Variants in CREB5 observed in about 807,000 individuals in gnomAD.
CREB5 encodes cAMP responsive element binding protein 5.
CREB5 carries 19 observed loss-of-function variants against 57.1 expected under a neutral mutation model. The observed-to-expected ratio is 0.33, with a 90% CI of 0.23 to 0.49. CREB5 has a LOEUF of 0.49. CREB5 is among the 20% of genes least tolerant of loss of function. The pLI is 0.99. For synonymous variants in CREB5, 238 were observed against 238.3 expected (o/e 1.00, Z 0.01); for missense variants, 579 against 671.6 (o/e 0.86, Z 1.52).
At chr7:28,719,826 C>T (rs1802915716) in intron 6 of CREB5, among the ~76,000 whole-genome samples, 1 of 152,092 alleles carries the variant, frequency 6.6e-6, no homozygotes, top group Non-Finnish European at 1.5e-5. Context: ...CTTTGGGAGG[C>T]CAAGGTGGGT....
intron 7 of CREB5, among the ~76,000 whole-genome samples, chr7:28,779,842 C>T (rs1460316916): frequency 1.3e-5 from 2 of 152,172 alleles, no homozygotes; most frequent in African/African-American, 4.8e-5. Flanking sequence ...CTGTCAGGCT[C>T]TTTCTTCTCT....
chr7:28,540,235 T>A (rs995827048), intron 4 of CREB5, among the ~76,000 whole-genome samples: 4 of 152,216 alleles, frequency 2.6e-5, no homozygotes, highest in Non-Finnish European at 5.9e-5. Context: ...AAATCCACAA[T>A]TTGAAATTTA....
intron 4 of CREB5, among the ~76,000 whole-genome samples, chr7:28,552,253 G>T (rs1343372185): frequency 1.3e-5 from 2 of 152,202 alleles, no homozygotes; most frequent in Admixed American, 6.5e-5. Context: ...GCCCAGGCAG[G>T]TCTTTAACTC....
chr7:28,365,778 G>A (rs942617733), intron 1 of CREB5, among the ~76,000 whole-genome samples: 3 of 152,094 alleles, frequency 2.0e-5, no homozygotes, highest in Middle Eastern at 3.4e-3. Flanking sequence ...GCAGCCAAAC[G>A]CTCCCTCTTT....
chr7:28,688,387 G>A (rs1460011257), intron 5 of CREB5, among the ~76,000 whole-genome samples: 3 of 152,138 alleles, frequency 2.0e-5, no homozygotes, highest in Non-Finnish European at 4.4e-5. Flanking sequence ...ACAGACCCTT[G>A]TGCTTCAGTT....
chr7:28,328,083 TG>T (rs1785641466), intron 1 of CREB5, among the ~76,000 whole-genome samples: 1 of 152,166 alleles, frequency 6.6e-6, no homozygotes, highest in African/African-American at 2.4e-5. Flanking sequence ...CTCAAACACA[TG>T]GGCCTATCTC....
At chr7:28,404,704 A>G (rs1484505088) in intron 1 of CREB5, among the ~76,000 whole-genome samples, 1 of 152,220 alleles carries the variant, frequency 6.6e-6, no homozygotes, top group Non-Finnish European at 1.5e-5. Context: ...CAGGCCATGA[A>G]GCCAGTCCTG....
chr7:28,775,013 T>A (rs2128779114), intron 7 of CREB5, among the ~76,000 whole-genome samples: 1 of 152,296 alleles, frequency 6.6e-6, no homozygotes, highest in East Asian at 1.9e-4. Flanking sequence ...CAAAGGCAGT[T>A]TGAGATTCTG....
chr7:28,739,654 C>A (rs897986838), intron 7 of CREB5, among the ~76,000 whole-genome samples: 14 of 152,098 alleles, frequency 9.2e-5, no homozygotes, highest in Non-Finnish European at 1.9e-4. Context: ...GTTTAGAGGA[C>A]AGACTGGTTA....
chr7:28,769,268 G>A (rs1239590375), intron 7 of CREB5, among the ~76,000 whole-genome samples: 1 of 152,200 alleles, frequency 6.6e-6, no homozygotes, highest in Non-Finnish European at 1.5e-5. Flanking sequence ...TCCTAGACTA[G>A]TGTTCTGTGG....
At chr7:28,778,709 G>T (rs1806800303) in intron 7 of CREB5, among the ~76,000 whole-genome samples, 1 of 152,124 alleles carries the variant, frequency 6.6e-6, no homozygotes, top group African/African-American at 2.4e-5. Flanking sequence ...AGAGGGCAAA[G>T]ATCACTATTA....
Position 28,307,426 on chromosome 7 carries a change from G to A in CREB5, c.-25+7985G>A, listed in dbSNP as rs188112381. Among the ~76,000 whole-genome samples, 33 of 152,332 alleles carry A rather than the reference G, an allele frequency of 2.2e-4. 1 individual carries two copies. Among genetic ancestry groups the A allele is most frequent in the Non-Finnish European group, 3.4e-4 (23 of 68,018 alleles). On this transcript the variant is annotated intron_variant, in intron 1 of 9. Transcript: ENST00000396299. ...CCAGAGGACACAGCAACAAGGTGTT[G>A]TCACAAAAGGGGAGACTGGGCCCCT...
At chr7:28,580,164 AG>A (rs1279859342) in intron 5 of CREB5, among the ~76,000 whole-genome samples, 2 of 152,306 alleles carry the variant, frequency 1.3e-5, no homozygotes, top group African/African-American at 4.8e-5. Context: ...ACTAAACAAA[AG>A]GCAACCTATA....
At chr7:28,696,745 A>G (rs1801584616) in intron 5 of CREB5, among the ~76,000 whole-genome samples, 1 of 147,296 alleles carries the variant, frequency 6.8e-6, no homozygotes, top group South Asian at 2.2e-4. Context: ...GTATACACAT[A>G]TACACACACT....
At chr7:28,511,811 G>A (rs939692884) in intron 4 of CREB5, among the ~76,000 whole-genome samples, 1 of 152,256 alleles carries the variant, frequency 6.6e-6, no homozygotes, top group South Asian at 2.1e-4. Context: ...AGAAAAGTGA[G>A]AGGATTTGAC....
intron 1 of CREB5, among the ~76,000 whole-genome samples, chr7:28,453,864 T>C (rs971940881): frequency 1.3e-5 from 2 of 152,240 alleles, no homozygotes; most frequent in African/African-American, 4.8e-5. Context: ...CCCTCTTTAC[T>C]TTGTTGGTGT....
chr7:28,634,936 G>A (rs1031811957), intron 5 of CREB5, among the ~76,000 whole-genome samples: 12 of 152,066 alleles, frequency 7.9e-5, no homozygotes, highest in African/African-American at 2.2e-4. Flanking sequence ...TGCAAGTAAC[G>A]AAAAAATCCC....
At chr7:28,575,458 A>G (rs574632075) in intron 5 of CREB5, among the ~76,000 whole-genome samples, 2 of 152,352 alleles carry the variant, frequency 1.3e-5, no homozygotes, top group African/African-American at 4.8e-5. Flanking sequence ...GTCAATGCAT[A>G]TGCGTATGAA....
intron 5 of CREB5, among the ~76,000 whole-genome samples, chr7:28,715,638 GCA>G (rs1220193142): frequency 1.3e-5 from 2 of 152,122 alleles, no homozygotes. Flanking sequence ...TGATGAGTAG[GCA>G]CAGGTCATTT....
Sources: allele counts gnomAD v4.1 joint callset (sites outside exome capture counted in the v4.1 genomes callset), GRCh38; gene constraint gnomAD v4.1.1; transcripts MANE v1.5; gene names NCBI Gene and HGNC (gene_info 2026-07-23, HGNC 2026-07-21).